Variants in STARD9 observed in about 807,000 individuals in gnomAD.
The protein encoded by STARD9 is StAR related lipid transfer domain containing 9.
A neutral mutation model predicts 399.8 loss-of-function variants in STARD9; 346 were observed. The observed-to-expected ratio is 0.87, with a 90% CI of 0.79 to 0.95. The LOEUF (loss-of-function observed/expected upper bound fraction) is 0.95. Among genes scored for constraint, STARD9 ranks in the 40% least tolerant of loss-of-function variants. STARD9 has a pLI of 0.00. For missense variants in STARD9, 5,832 were observed against 5,667.5 expected (o/e 1.03, Z -0.93); for synonymous variants, 2,203 against 2,143.5 (o/e 1.03, Z -0.77).
At chr15:42,642,171 AT>A (rs1157783572) in intron 7 of STARD9, among the ~76,000 whole-genome samples, 2 of 152,226 alleles carry the variant, frequency 1.3e-5, no homozygotes, top group African/African-American at 4.8e-5. Flanking sequence ...TTCTACAGAA[AT>A]TTATTGAGTA....
intron 25 of STARD9, among the ~76,000 whole-genome samples, 185 bp from the exon 26 acceptor site, chr15:42,695,558 A>G (rs375518762): frequency 2.6e-5 from 4 of 152,114 alleles, no homozygotes; most frequent in African/African-American, 9.7e-5. Context: ...GGGTGTGGGG[A>G]AATACGAGCA....
chr15:42,623,447 G>C (rs1225721781), intron 3 of STARD9, among the ~76,000 whole-genome samples: 2 of 152,112 alleles, frequency 1.3e-5, no homozygotes, highest in Non-Finnish European at 2.9e-5. Flanking sequence ...GTTTGTTGTG[G>C]ACTGAAGACA....
Position 42,682,057 on chromosome 15 carries a change from C to G in STARD9, c.2066-47C>G, listed in dbSNP as rs1221788106. ...GTATCTGAGTCCAGGCAGCCACAAG[C>G]AGGGAAGGAGATGCTGAAATTCTCT... On this transcript the variant is annotated intron_variant, in intron 21 of 32. Coordinates refer to ENST00000290607, the MANE Select transcript of STARD9 (RefSeq NM_020759.3). 8.5e-6 allele frequency: 11 copies of G among 1,297,622 alleles called. No individual in the cohort carries two copies. In the Admixed American group the frequency reaches 2.1e-4, roughly 25 times the overall value. The allele number at this position is 1,297,622 out of a possible 1,614,324, so 80.4% of individuals were successfully genotyped here.
chr15:42,648,460 G>C (rs543217741), intron 7 of STARD9, among the ~76,000 whole-genome samples: 221 of 152,258 alleles, frequency 1.5e-3, no homozygotes, highest in African/African-American at 4.9e-3. Context: ...CCCATACCCA[G>C]CCTGCTTTTC....
Position 42,660,964 on chromosome 15 carries a change from G to A in STARD9, c.703-194G>A. 7.3e-6 allele frequency among the ~76,000 whole-genome samples: 1 copy of A among 137,520 alleles called. No individual in the cohort carries two copies. The highest frequency in any genetic ancestry group is 1.6e-5 in the Non-Finnish European group (1 of 63,776). The allele number at this position is 137,520 out of a possible 152,430, so 90.2% of individuals were successfully genotyped here. The stretch of plus-strand genomic sequence containing the variant: ...GTTTTTTGTTTTGTTTTTTTTTTTT[G>A]AAGTGATGATCCAGGGCCCTATTGA... On this transcript the variant is annotated intron_variant, in intron 9 of 32. Coordinates refer to ENST00000290607, the MANE Select transcript of STARD9 (RefSeq NM_020759.3).
At chr15:42,622,976 G>T (rs2059120570) in intron 3 of STARD9, among the ~76,000 whole-genome samples, 1 of 152,180 alleles carries the variant, frequency 6.6e-6, no homozygotes, top group Admixed American at 6.6e-5. Flanking sequence ...TCAGGGCCAG[G>T]CGTGGTAGCT....
chr15:42,696,519 A>T (rs1323568714), intron 26 of STARD9, among the ~76,000 whole-genome samples: 2 of 152,238 alleles, frequency 1.3e-5, no homozygotes, highest in Non-Finnish European at 2.9e-5. Context: ...TTTCTAATCC[A>T]TCTCATTGTG....
chr15:42,575,615 TG>T lies in STARD9; in HGVS notation c.-97del. 2.3e-6 allele frequency: 3 copies of T among 1,316,560 alleles called. No homozygotes were observed. Among genetic ancestry groups the T allele is most frequent in the Middle Eastern group, 2.6e-4 (1 of 3,852 alleles). 81.6% of individuals were successfully genotyped at this position (1,316,560 alleles called of 1,614,324 possible). On this transcript the variant is annotated 5_prime_UTR_variant, in exon 1 of 33. Transcript: ENST00000290607. ...GCGCGGCGGCGTCCCCAGAGGCGCG[TG>T]GGGCGGGCGGGGCTGGGTTGGGGCT...
rs775583719 is a variant in STARD9 at position 42,685,477 on chromosome 15, A to AACCCCATT, written c.3899_3900insACCCCATT (p.Glu1304ProfsTer10). The AACCCCATT allele has an allele frequency of 1.4e-3, 2,091 of 1,530,940 alleles. 7 individuals carry two copies. Among genetic ancestry groups the AACCCCATT allele is most frequent in the Middle Eastern group, 3.5e-3 (21 of 5,956 alleles). The allele number at this position is 1,530,940 out of a possible 1,614,324, so 94.8% of individuals were successfully genotyped here. A position where few individuals can be genotyped will look rare whatever the true frequency, so the allele number is the denominator to read the frequency against. On this transcript the variant is annotated frameshift_variant, in exon 23 of 33. Transcript: ENST00000290607. LOFTEE classifies it high-confidence loss of function. ...GAGCTCCAACCCCATTGTGAGCTCC[A>AACCCCATT]GCCCCATTGTGAGCAGGCTGAATCA...
chr15:42,694,044 T>C lies in STARD9; in HGVS notation c.12466T>C (p.Leu4156=). 1 of 1,534,924 alleles carries C rather than the reference T, an allele frequency of 6.5e-7. No homozygotes were observed. Among genetic ancestry groups the C allele is most frequent in the Non-Finnish European group, 8.7e-7 (1 of 1,145,998 alleles). Residue 4156 remains leucine (L), a synonymous_variant, in exon 23 of 33, where the codon TTG becomes CTG. Transcript: ENST00000290607. ...GGTTCAGAAGGGCTCACCTGGGGGG[T>C]TGGACATGACTGAGGAGGAGCTGGG... ...CGVQKGSPGG[L]DMTEEELGAS...
In STARD9 at chr15:42,686,966, T is replaced by G. The variant is rs148228618; in HGVS notation, c.5388T>G (p.Asn1796Lys). The G allele has an allele frequency of 3.2e-5, 49 of 1,536,578 alleles. No homozygotes were observed. In the African/African-American group the frequency reaches 5.5e-4, roughly 17 times the overall value. ...CTCTCCAAGGTGCTTATTTGAAGAA[T>G]AATTTGCCAGTGCTGTTACAAAACC... ...HQALQGAYLKNNLPVLLQNQN... is the reference protein window; with the variant it reads ...HQALQGAYLKKNLPVLLQNQN... Residue 1796 changes from asparagine to lysine, a missense_variant, in exon 23 of 33, where the codon AAT becomes AAG. This residue lies in a region of STARD9 where 5,828 missense variants were observed against 5,651.1 expected (regional missense o/e 1.03). Transcript: ENST00000290607.
intron 10 of STARD9, 38 bp from the exon 11 acceptor site, chr15:42,662,756 T>A: frequency 7.4e-6 from 10 of 1,353,214 alleles, no homozygotes; most frequent in Non-Finnish European, 1.0e-5. Flanking sequence ...TAGTGTCTTA[T>A]TTGCTTTTGT....
rs1483201003 is a variant in STARD9, at chr15:42,695,865, G to C, written c.13269G>C (p.Gln4423His). Residue 4423 changes from glutamine (Q) to histidine (H), a missense_variant, in exon 26 of 33, where the codon CAG becomes CAC. Gln to His is a conservative substitution (Grantham distance 24). Around this residue, in one of 2 missense-constraint regions of STARD9, gnomAD observed 5,828 missense variants for 5,651.1 expected, o/e 1.03. Transcript: ENST00000290607. ...GCCCAGCCTTGTCAGGCCAGCTCCA[G>C]TTCCCAGAGAATATGGTGAGTAGGC... The part of the protein sequence containing the change: ...NSSPALSGQL[Q>H]FPENMGHTNL... The C allele has an allele frequency of 6.5e-7, 1 of 1,537,100 alleles. No individual in the cohort carries two copies. The highest frequency in any genetic ancestry group is 8.7e-7 in the Non-Finnish European group (1 of 1,146,848).
intron 11 of STARD9, 176 bp from the exon 12 acceptor site, chr15:42,663,105 T>C: frequency 1.4e-6 from 1 of 739,912 alleles, no homozygotes; most frequent in East Asian, 2.7e-5. Flanking sequence ...ATTATGTGAC[T>C]CAAACATTCC....
At chr15:42,670,314 G>C (rs111511685) in intron 16 of STARD9, 79 of 152,326 alleles carry the variant, frequency 5.2e-4, no homozygotes, top group African/African-American at 1.8e-3. Flanking sequence ...GGGGATGACA[G>C]GCATCCATCT....
chr15:42,623,334 C>T (rs1310244841), intron 3 of STARD9, among the ~76,000 whole-genome samples: 1 of 151,972 alleles, frequency 6.6e-6, no homozygotes, highest in Non-Finnish European at 1.5e-5. Flanking sequence ...ATTTTCCTTT[C>T]TCCAAATATA....
In STARD9 at chr15:42,675,962, C is replaced by T; in HGVS notation, c.1861C>T (p.Leu621Phe). 1 of 1,418,484 alleles carries T rather than the reference C, an allele frequency of 7.0e-7. No individual in the cohort carries two copies. Among genetic ancestry groups the T allele is most frequent in the Admixed American group, 2.2e-5 (1 of 44,510 alleles). The allele number at this position is 1,418,484 out of a possible 1,614,324, so 87.9% of individuals were successfully genotyped here. The change falls in exon 20 of 33, where the codon CTT (leucine) becomes TTT (phenylalanine). Residue 621 changes from leucine to phenylalanine, a missense_variant. Physicochemically the swap from Leu to Phe is conservative, Grantham distance 22 (BLOSUM62 0). Coordinates refer to ENST00000290607, the MANE Select transcript of STARD9 (RefSeq NM_020759.3). ...CTCCCGGCTGGGTCTCTCCCCTTTG[C>T]TTTGGAAGGAAAGGTAAGAAATAGC... is the stretch of plus-strand genomic sequence containing the variant. ...AASRLGLSPL[L>F]WKERRALEEQ...
chr15:42,589,795 CG>C (rs1207653141), intron 3 of STARD9, among the ~76,000 whole-genome samples: 2 of 150,256 alleles, frequency 1.3e-5, no homozygotes, highest in African/African-American at 4.9e-5. Flanking sequence ...TTAGTAGAGA[CG>C]GGGTTTCACT....
At position 42,575,652 on chromosome 15, in the gene STARD9, T is replaced by G; in HGVS notation, c.-64T>G. ...GGCTGGGTTGGGGCTGTGTCTGGGC[T>G]TAGGGCGGGGGCCTGGGATGCTGCC... On this transcript the variant is annotated 5_prime_UTR_variant, in exon 1 of 33. Coordinates refer to ENST00000290607, the MANE Select transcript of STARD9 (RefSeq NM_020759.3). 2.6e-6 allele frequency: 4 copies of G among 1,517,154 alleles called. No homozygotes were observed. Among genetic ancestry groups the G allele is most frequent in the Non-Finnish European group, 2.7e-6 (3 of 1,130,914 alleles). 94.0% of individuals were successfully genotyped at this position (1,517,154 alleles called of 1,614,324 possible).
Sources: gnomAD v4.1 joint callset for allele counts (sites outside exome capture counted in the v4.1 genomes callset) on GRCh38, gnomAD v4.1.1 for gene constraint, gnomAD v4.1.1 regional missense constraint, MANE v1.5 for transcripts, NCBI Gene and HGNC (gene_info 2026-07-23, HGNC 2026-07-21) for gene names.